The following EXD3 variants were observed in gnomAD, a reference collection of about 807,000 sequenced individuals.
EXD3 encodes exonuclease 3'-5' domain containing 3.
A neutral mutation model predicts 98.0 loss-of-function variants in EXD3; 92 were observed. That is an observed-to-expected ratio of 0.94 (90% CI 0.79 to 1.12). EXD3 has a LOEUF of 1.12. EXD3 is among the 50% of genes most tolerant of loss of function. The pLI is 0.00. For missense variants in EXD3, 1,222 were observed against 1,191.6 expected (o/e 1.03, Z -0.38); for synonymous variants, 569 against 526.0 (o/e 1.08, Z -1.12).
intron 9 of EXD3, 28 bp downstream of exon 9, chr9:137,354,671 GC>G: frequency 6.2e-7 from 1 of 1,609,074 alleles, no homozygotes. Context: ...GCGGCTGGCT[GC>G]CCCCAGGACC....
intron 19 of EXD3, among the ~76,000 whole-genome samples, chr9:137,314,782 G>A (rs1831554480): frequency 6.6e-6 from 1 of 152,206 alleles, no homozygotes; most frequent in African/African-American, 2.4e-5. Context: ...CGGGACAACT[G>A]GGCCCACAGC....
At chr9:137,326,028 G>A (rs1418396295) in intron 17 of EXD3, among the ~76,000 whole-genome samples, 4 of 150,666 alleles carry the variant, frequency 2.7e-5, no homozygotes, top group Admixed American at 6.7e-5. Flanking sequence ...GCAGTGGGCC[G>A]TGTTTGCGCC....
intron 19 of EXD3, among the ~76,000 whole-genome samples, chr9:137,321,115 G>C (rs1832010257): frequency 6.6e-6 from 1 of 152,246 alleles, no homozygotes; most frequent in African/African-American, 2.4e-5. Context: ...CAGGTGCCTG[G>C]CCGGCTGCAG....
At chr9:137,313,403 C>T (rs754545761) in intron 19 of EXD3, among the ~76,000 whole-genome samples, 1 of 152,174 alleles carries the variant, frequency 6.6e-6, no homozygotes, top group Non-Finnish European at 1.5e-5. Flanking sequence ...GAGCTCAGGT[C>T]CCACCACCAG....
At chr9:137,384,952 C>A (rs1836508052) in intron 2 of EXD3, among the ~76,000 whole-genome samples, 1 of 152,114 alleles carries the variant, frequency 6.6e-6, no homozygotes, top group Non-Finnish European at 1.5e-5. Flanking sequence ...GCTAGCTGGG[C>A]ATGGTGGCGG....
chr9:137,349,624 AG>A lies in EXD3; in HGVS notation c.1495-94del. Reference sequence around the variant, plus strand: ...CACACCAGCCCTGCGGGGGCTCTGGAGGAGGCCCCGCCCCCTCCACCAGCGG... The same window carrying A: ...CACACCAGCCCTGCGGGGGCTCTGGAGAGGCCCCGCCCCCTCCACCAGCGG... On this transcript the variant is annotated intron_variant, in intron 14 of 21. Coordinates refer to ENST00000340951, the MANE Select transcript of EXD3 (RefSeq NM_017820.5). The surrounding 1 kb of genome is among the most constrained non-coding windows in gnomAD (Gnocchi z 7.4). The A allele has an allele frequency of 7.6e-7, 1 of 1,316,188 alleles. No individual in the cohort carries two copies. The highest frequency in any genetic ancestry group is 1.0e-6 in the Non-Finnish European group (1 of 999,992). 81.5% of individuals were successfully genotyped at this position (1,316,188 alleles called of 1,614,324 possible).
At chr9:137,356,709 G>A (rs1201264232) in intron 7 of EXD3, among the ~76,000 whole-genome samples, 2 of 152,248 alleles carry the variant, frequency 1.3e-5, no homozygotes, top group Admixed American at 6.5e-5. Context: ...CCTCACTGGT[G>A]ATATTCTGGC....
intron 4 of EXD3, 55 bp downstream of exon 4, chr9:137,373,371 T>C: frequency 6.3e-7 from 1 of 1,578,714 alleles, no homozygotes; most frequent in South Asian, 1.1e-5. Context: ...GGGTCCACTA[T>C]GCTGAGGGGC....
chr9:137,348,210 C>T lies in EXD3; in HGVS notation c.1859G>A (p.Gly620Asp). The T allele has an allele frequency of 6.2e-7, 1 of 1,611,716 alleles. No individual in the cohort carries two copies. The highest frequency in any genetic ancestry group is 8.5e-7 in the Non-Finnish European group (1 of 1,179,596). Residue 620 changes from glycine to aspartate, a missense_variant, in exon 17 of 22, where the codon GGC becomes GAC. Physicochemically the swap from Gly to Asp is moderately conservative, Grantham distance 94. Coordinates refer to ENST00000340951, the MANE Select transcript of EXD3 (RefSeq NM_017820.5). ...CCTGGCCGGAATCTGAGGGGCAGCG[C>T]CCTCAGACACAGCCACAGCCACAGG... ...QVPVAVAVSE[G>D]AAPQIPARAF... is the part of the protein sequence containing the mutation.
intron 2 of EXD3, among the ~76,000 whole-genome samples, chr9:137,390,113 C>A (rs71510820): frequency 3.2e-5 from 2 of 62,626 alleles, no homozygotes; most frequent in African/African-American, 1.7e-4. Context: ...CAGAGCGAGA[C>A]TCTGTCAAAA....
chr9:137,422,053 C>A (rs1481303559), intron 1 of EXD3, among the ~76,000 whole-genome samples: 1 of 149,190 alleles, frequency 6.7e-6, no homozygotes, highest in Non-Finnish European at 1.5e-5. Context: ...TTAATGACTT[C>A]ACTGAGACCT....
intron 3 of EXD3, among the ~76,000 whole-genome samples, chr9:137,376,848 A>G (rs919334852): frequency 2.0e-5 from 3 of 150,706 alleles, no homozygotes; most frequent in African/African-American, 7.3e-5. Context: ...AGAATTGCTT[A>G]AACTTGGGAG....
intron 19 of EXD3, 115 bp downstream of exon 19, chr9:137,323,610 G>GCCGACACCCCACCCCAGAC: frequency 7.0e-7 from 1 of 1,427,102 alleles, no homozygotes; most frequent in Non-Finnish European, 9.5e-7. Context: ...GGGATGCTCT[G>GCCGACACCCCACCCCAGAC]CCGACACCCC....
rs1834390128 is a variant in EXD3 at position 137,353,021 on chromosome 9, C to T, written c.871-235G>A. On this transcript the variant is annotated intron_variant, in intron 10 of 21. Coordinates refer to ENST00000340951, the MANE Select transcript of EXD3 (RefSeq NM_017820.5). ...CAAAGGCTGTCCACCCCAGTGTAGC[C>T]CCGGCTGGCCTTCCGGGTCTCCAAG... 5.2e-6 allele frequency: 7 copies of T among 1,353,590 alleles called. No individual in the cohort carries two copies. The South Asian group carries it at 8.7e-5, about 17-fold the overall frequency. The allele number at this position is 1,353,590 out of a possible 1,614,324, so 83.8% of individuals were successfully genotyped here.
At chr9:137,362,418 A>G (rs1031777655) in intron 7 of EXD3, among the ~76,000 whole-genome samples, 1 of 152,234 alleles carries the variant, frequency 6.6e-6, no homozygotes, top group Non-Finnish European at 1.5e-5. Flanking sequence ...CCATGTGTTC[A>G]TCTCAATAGA....
chr9:137,349,875 G>A lies in EXD3; in HGVS notation c.1495-344C>T, dbSNP rs949486483. The stretch of plus-strand genomic sequence containing the variant: ...TATCTTCAGAAGAGGAGCACTGGGT[G>A]TGCCGTGCATAAAACAGCAGAAACG... On this transcript the variant is annotated intron_variant, in intron 14 of 21. Transcript: ENST00000340951. The surrounding 1 kb of genome is among the most constrained non-coding windows in gnomAD (Gnocchi z 7.4). 6.6e-5 allele frequency among the ~76,000 whole-genome samples: 10 copies of A among 152,112 alleles called. No individual in the cohort carries two copies. Among genetic ancestry groups the A allele is most frequent in the Admixed American group, 2.0e-4 (3 of 15,274 alleles).
chr9:137,328,460 T>A (rs1281266300), intron 17 of EXD3, among the ~76,000 whole-genome samples: 12 of 144,638 alleles, frequency 8.3e-5, no homozygotes, highest in South Asian at 4.4e-4. Context: ...ACAACTAATA[T>A]ACACCTATAT....
At position 137,351,535 on chromosome 9, in the gene EXD3, G is replaced by A. The variant is rs976811075; in HGVS notation, c.1174-7C>T. The A allele has an allele frequency of 1.9e-6, 3 of 1,570,354 alleles. No homozygotes were observed. The African/African-American group carries it at 4.1e-5, about 21-fold the overall frequency. ...CACCAACCACTTGGTGGCACTGCGG[G>A]CAGAGAGGGGCAGATGTGATCATCA... On this transcript the variant is annotated splice_polypyrimidine_tract_variant and splice_region_variant and intron_variant, in intron 12 of 21. Coordinates refer to ENST00000340951, the MANE Select transcript of EXD3 (RefSeq NM_017820.5).
At chr9:137,415,013 G>A (rs181624047) in intron 1 of EXD3, among the ~76,000 whole-genome samples, 129 of 152,022 alleles carry the variant, frequency 8.5e-4, no homozygotes, top group African/African-American at 3.0e-3. Flanking sequence ...TCAGCCTCCC[G>A]AGTAGCTGGG....
Sources: gnomAD v4.1 joint callset for allele counts (sites outside exome capture counted in the v4.1 genomes callset) on GRCh38, gnomAD v4.1.1 for gene constraint, Gnocchi (gnomAD v3.1) non-coding constraint, MANE v1.5 for transcripts, NCBI Gene and HGNC (gene_info 2026-07-23, HGNC 2026-07-21) for gene names.